Variants in ANK2 observed in about 807,000 individuals in gnomAD.
The protein encoded by ANK2 is ankyrin 2.
A neutral mutation model predicts 360.5 loss-of-function variants in ANK2; 83 were observed. The ratio of observed to expected loss-of-function variants is 0.23; its 90% CI spans 0.19 to 0.28. The LOEUF (loss-of-function observed/expected upper bound fraction) is 0.28, where lower values mean the gene tolerates loss of function less well. Ranked by LOEUF, ANK2 falls within the 10% of genes least tolerant of loss-of-function variation. The pLI, the probability that ANK2 is intolerant of heterozygous loss-of-function variation, is 1.00. For synonymous variants in ANK2, 1,740 were observed against 1,759.5 expected (o/e 0.99, Z 0.28); for missense variants, 4,201 against 4,795.7 (o/e 0.88, Z 3.66).
At chr4:112,801,677 C>T in the ANK2 span, among the ~76,000 whole-genome samples, 3 of 152,106 alleles carry the variant, frequency 2.0e-5, no homozygotes, top group African/African-American at 7.2e-5. Context: ...ATAGAGAGTT[C>T]TAGCATGGGT....
Position 113,253,644 on chromosome 4 carries a change from G to A in ANK2, c.991-2091G>A, listed in dbSNP as rs535274408. On this transcript the variant is annotated intron_variant, in intron 10 of 45. Coordinates refer to ENST00000357077, the MANE Select transcript of ANK2 (RefSeq NM_001148.6). ...TTCTTTTTCTCACTTTCCACATTCT[G>A]TCACCAAACACTGTCACCTCTTCCT... 2.6e-5 allele frequency among the ~76,000 whole-genome samples: 4 copies of A among 151,794 alleles called. No homozygotes were observed. In the South Asian group the frequency reaches 8.3e-4, roughly 32 times the overall value.
At chr4:113,235,977 A>G (rs1004501700) in intron 5 of ANK2, among the ~76,000 whole-genome samples, 3 of 150,848 alleles carry the variant, frequency 2.0e-5, no homozygotes, top group South Asian at 2.1e-4. Context: ...TGACCTCATG[A>G]TCTGCCCGCC....
chr4:112,907,909 A>G (rs1431903678), intron 2 of ANK2, among the ~76,000 whole-genome samples: 3 of 152,264 alleles, frequency 2.0e-5, no homozygotes, highest in East Asian at 3.9e-4. Context: ...TCATGAGTAG[A>G]ACTGTTCTTC....
intron 1 of ANK2, among the ~76,000 whole-genome samples, chr4:112,881,177 C>T (rs1430755064): frequency 6.6e-6 from 1 of 152,164 alleles, no homozygotes; most frequent in Non-Finnish European, 1.5e-5. Context: ...GTGGCTCATG[C>T]CTGTAATTCC....
intron 1 of ANK2, among the ~76,000 whole-genome samples, chr4:113,124,221 G>T (rs2154373475): frequency 6.6e-6 from 1 of 152,292 alleles, no homozygotes; most frequent in African/African-American, 2.4e-5. Flanking sequence ...GTGTCCTAGG[G>T]ATTTAATTGG....
chr4:113,371,985 A>G (rs1026191282), intron 43 of ANK2, among the ~76,000 whole-genome samples: 9 of 152,184 alleles, frequency 5.9e-5, no homozygotes, highest in South Asian at 4.1e-4. Context: ...CAACTTCTCC[A>G]TAGAATTATT....
chr4:112,874,881 A>G (rs1408470659), intron 1 of ANK2, among the ~76,000 whole-genome samples: 5 of 152,160 alleles, frequency 3.3e-5, no homozygotes, highest in African/African-American at 2.4e-5. Flanking sequence ...CCTTGTACTT[A>G]GTAGCTCAGC....
Position 113,348,337 on chromosome 4 carries a change from C to T in ANK2, c.4404+29C>T, listed in dbSNP as rs182254897. ...ATTTTATGACAGTGTCACTTGTTATCGGCTGTGTCATTGCTGTAACCACTA... is the reference window on the plus strand; with the variant it reads ...ATTTTATGACAGTGTCACTTGTTATTGGCTGTGTCATTGCTGTAACCACTA... On this transcript the variant is annotated intron_variant, in intron 36 of 45. Transcript: ENST00000357077. 199 of 1,608,658 alleles carry T rather than the reference C, an allele frequency of 1.2e-4. No individual in the cohort carries two copies. The East Asian group carries it at 2.8e-3, about 23-fold the overall frequency.
chr4:112,964,104 G>A (rs2036094760), intron 2 of ANK2, among the ~76,000 whole-genome samples: 1 of 141,870 alleles, frequency 7.0e-6, no homozygotes, highest in South Asian at 2.4e-4. Flanking sequence ...AAAATTTTTT[G>A]TGGGTACATA....
At chr4:112,997,572 TA>T (rs1332895653) in intron 2 of ANK2, among the ~76,000 whole-genome samples, 2 of 152,104 alleles carry the variant, frequency 1.3e-5, no homozygotes, top group Non-Finnish European at 2.9e-5. Context: ...GTCAAACACC[TA>T]AAAAAGACTC....
intron 2 of ANK2, among the ~76,000 whole-genome samples, chr4:113,019,460 C>G (rs578115828): frequency 6.6e-6 from 1 of 150,938 alleles, no homozygotes; most frequent in African/African-American, 2.5e-5. Context: ...AAAACACACA[C>G]AAAGTATTCC....
chr4:113,351,276 G>A (rs539299623), intron 37 of ANK2, among the ~76,000 whole-genome samples: 1 of 152,124 alleles, frequency 6.6e-6, no homozygotes, highest in Admixed American at 6.5e-5. Flanking sequence ...ATATGCTCAT[G>A]TGGCCCTACA....
intron 43 of ANK2, 123 bp downstream of exon 43, chr4:113,369,928 C>G: frequency 8.3e-7 from 1 of 1,203,714 alleles, no homozygotes. Flanking sequence ...ATTAATTAAC[C>G]TGGCACATGG....
Position 113,255,770 on chromosome 4 carries a change from A to G in ANK2, c.1026A>G (p.Gly342=). The G allele has an allele frequency of 6.2e-7, 1 of 1,614,162 alleles. No individual in the cohort carries two copies. Residue 342 remains glycine (G), a synonymous_variant, in exon 11 of 46, where the codon GGA becomes GGG. Transcript: ENST00000357077. ...CTCCACTACACATGGCTGCCCAGGGAGACCACGTGGAATGTGTGAAGCACC... is the reference window on the plus strand; with the variant it reads ...CTCCACTACACATGGCTGCCCAGGGGGACCACGTGGAATGTGTGAAGCACC... ...GLSPLHMAAQ[G]DHVECVKHLL...
rs1219397825 is a variant in ANK2 at position 113,358,970 on chromosome 4, C to T, written c.10352C>T (p.Ser3451Phe). 5.0e-6 allele frequency: 8 copies of T among 1,613,978 alleles called. No homozygotes were observed. Among genetic ancestry groups the T allele is most frequent in the African/African-American group, 1.3e-5 (1 of 74,922 alleles). The part of the protein sequence containing the change: ...RLPVKSRSTT[S>F]SCRGGTSPTK... ...CCAGTTAAGAGCAGAAGCACTACAT[C>T]TTCCTGCAGGGGGGGCACGAGCCCC... Residue 3451 changes from serine to phenylalanine, a missense_variant, in exon 38 of 46, where the codon TCT becomes TTT. Around this residue, in one of 4 missense-constraint regions of ANK2, gnomAD observed 2,642 missense variants for 2,714.5 expected, o/e 0.97. Coordinates refer to ENST00000357077, the MANE Select transcript of ANK2 (RefSeq NM_001148.6).
chr4:113,165,105 G>T (rs1236309373), intron 1 of ANK2, among the ~76,000 whole-genome samples: 2 of 151,930 alleles, frequency 1.3e-5, no homozygotes, highest in African/African-American at 4.8e-5. Context: ...TCCATGCTTG[G>T]GCCTATATTC....
chr4:112,726,743 C>G, the ANK2 span, among the ~76,000 whole-genome samples: 8 of 149,236 alleles, frequency 5.4e-5, no homozygotes, highest in African/African-American at 7.4e-5. Context: ...CCCAGCTACT[C>G]GGGAGGCTGA....
At chr4:112,774,195 TAAGG>T in the ANK2 span, among the ~76,000 whole-genome samples, 1 of 151,760 alleles carries the variant, frequency 6.6e-6, no homozygotes, top group Non-Finnish European at 1.5e-5. Flanking sequence ...GTCACGCCCT[TAAGG>T]AAGGATCTTC....
intron 1 of ANK2, among the ~76,000 whole-genome samples, chr4:113,164,938 A>T (rs533738423): frequency 9.2e-5 from 14 of 152,346 alleles, no homozygotes; most frequent in African/African-American, 2.9e-4. Flanking sequence ...TTACCAAAGG[A>T]TCTCAAAAGT....
Sources: allele counts gnomAD v4.1 joint callset (sites outside exome capture counted in the v4.1 genomes callset), GRCh38; gene constraint gnomAD v4.1.1; regional missense constraint gnomAD v4.1.1; transcripts MANE v1.5; gene names NCBI Gene and HGNC (gene_info 2026-07-23, HGNC 2026-07-21).